The following ITPR1 variants were observed in gnomAD, a reference collection of about 807,000 sequenced individuals.
ITPR1 encodes inositol 1,4,5-trisphosphate-gated calcium channel ITPR1.
A neutral mutation model predicts 318.4 loss-of-function variants in ITPR1; 96 were observed. The observed-to-expected ratio is 0.30, with a 90% CI of 0.26 to 0.36. The LOEUF (loss-of-function observed/expected upper bound fraction) is 0.36, where lower values mean the gene tolerates loss of function less well. Ranked by LOEUF, ITPR1 falls within the 10% of genes least tolerant of loss-of-function variation. The pLI, the probability that ITPR1 is intolerant of heterozygous loss-of-function variation, is 1.00. For missense variants in ITPR1, 2,440 were observed against 3,460.2 expected (o/e 0.71, Z 7.40); for synonymous variants, 1,312 against 1,289.9 (o/e 1.02, Z -0.37).
At chr3:4,723,947 T>C (rs1261558892) in intron 40 of ITPR1, among the ~76,000 whole-genome samples, 1 of 152,214 alleles carries the variant, frequency 6.6e-6, no homozygotes, top group African/African-American at 2.4e-5. Context: ...GCAAAAATGT[T>C]TACACAGTTT....
rs752886993 is a variant in ITPR1 at position 4,660,982 on chromosome 3, T to C, written c.1152-6T>C. 10 of 1,503,126 alleles carry C rather than the reference T, an allele frequency of 6.7e-6. No individual in the cohort carries two copies. Among genetic ancestry groups the C allele is most frequent in the East Asian group, 2.3e-5 (1 of 43,968 alleles). The allele number at this position is 1,503,126 out of a possible 1,614,324, so 93.1% of individuals were successfully genotyped here. On this transcript the variant is annotated splice_polypyrimidine_tract_variant and splice_region_variant and intron_variant, in intron 13 of 61. Transcript: ENST00000649015. ...TTCCCTAAAACCCTCCTTTTTTCCC[T>C]GTTAGGAACTCTTATGTTCGGCTCA...
intron 55 of ITPR1, among the ~76,000 whole-genome samples, chr3:4,810,628 T>C (rs1210583347): frequency 6.6e-6 from 1 of 152,222 alleles, no homozygotes; most frequent in African/African-American, 2.4e-5. Flanking sequence ...TTACTGAGCA[T>C]ATGGATGCCA....
chr3:4,736,959 A>G (rs2043317911), intron 44 of ITPR1, among the ~76,000 whole-genome samples: 1 of 152,186 alleles, frequency 6.6e-6, no homozygotes, highest in African/African-American at 2.4e-5. Context: ...AGTGTGGAAA[A>G]TGAGGACAAT....
At chr3:4,639,333 A>T (rs570885466) in intron 5 of ITPR1, 51 bp from the exon 6 acceptor site, 210 of 1,360,776 alleles carry the variant, frequency 1.5e-4, no homozygotes, top group Non-Finnish European at 2.1e-4. Context: ...CTGCAGTGGG[A>T]TAGAACACAT....
chr3:4,789,688 C>T (rs1375743151), intron 52 of ITPR1, among the ~76,000 whole-genome samples: 4 of 152,144 alleles, frequency 2.6e-5, no homozygotes, highest in East Asian at 1.9e-4. Context: ...GGCGCGATCT[C>T]GGGTCACTGC....
At chr3:4,566,095 A>G (rs893787009) in intron 4 of ITPR1, among the ~76,000 whole-genome samples, 15 of 152,198 alleles carry the variant, frequency 9.9e-5, no homozygotes, top group Admixed American at 7.8e-4. Flanking sequence ...GAACTGCATA[A>G]AAGTATGTTG....
At chr3:4,596,824 G>A (rs1408483212) in intron 4 of ITPR1, among the ~76,000 whole-genome samples, 2 of 152,180 alleles carry the variant, frequency 1.3e-5, no homozygotes, top group Non-Finnish European at 2.9e-5. Context: ...GTCACTCCCT[G>A]GGGGAATAGG....
chr3:4,770,029 G>T (rs1559866679), intron 46 of ITPR1, among the ~76,000 whole-genome samples: 1 of 152,150 alleles, frequency 6.6e-6, no homozygotes, highest in Non-Finnish European at 1.5e-5. Context: ...CAAGGAAAGG[G>T]CATCTGAACC....
chr3:4,559,088 G>A (rs532370827), intron 4 of ITPR1, among the ~76,000 whole-genome samples: 7 of 151,898 alleles, frequency 4.6e-5, no homozygotes, highest in Admixed American at 1.3e-4. Flanking sequence ...AAACTCCTGG[G>A]TGCAAATGAT....
chr3:4,715,524 T>G (rs577584563), intron 39 of ITPR1, among the ~76,000 whole-genome samples: 91 of 152,300 alleles, frequency 6.0e-4, no homozygotes, highest in African/African-American at 2.1e-3. Context: ...TTGGTTCACT[T>G]GTCTGGGTCC....
At chr3:4,575,266 G>A (rs2088512212) in intron 4 of ITPR1, among the ~76,000 whole-genome samples, 1 of 152,116 alleles carries the variant, frequency 6.6e-6, no homozygotes, top group Non-Finnish European at 1.5e-5. Context: ...CTTTGGGGGA[G>A]GATAGAGGAA....
At chr3:4,570,904 A>C (rs753354238) in intron 4 of ITPR1, among the ~76,000 whole-genome samples, 2 of 152,178 alleles carry the variant, frequency 1.3e-5, no homozygotes, top group Non-Finnish European at 2.9e-5. Flanking sequence ...TTTTTTGTAC[A>C]TGTGTCTGTG....
chr3:4,619,957 T>G (rs975075227), intron 4 of ITPR1, among the ~76,000 whole-genome samples: 29 of 151,804 alleles, frequency 1.9e-4, no homozygotes, highest in African/African-American at 6.8e-4. Context: ...TTTCTCAGAG[T>G]TTTTATTTGG....
At chr3:4,763,062 G>A (rs2045563512) in intron 44 of ITPR1, among the ~76,000 whole-genome samples, 1 of 152,216 alleles carries the variant, frequency 6.6e-6, no homozygotes, top group African/African-American at 2.4e-5. Flanking sequence ...GGACATGGAT[G>A]AAGCCAGAAG....
At chr3:4,809,811 G>T (rs2048823385) in intron 55 of ITPR1, among the ~76,000 whole-genome samples, 1 of 152,204 alleles carries the variant, frequency 6.6e-6, no homozygotes, top group Admixed American at 6.5e-5. Flanking sequence ...CCATTTGTTT[G>T]TTGTCTGAAG....
chr3:4,654,037 C>T (rs2093652470), intron 12 of ITPR1, among the ~76,000 whole-genome samples, 151 bp downstream of exon 12: 1 of 152,116 alleles, frequency 6.6e-6, no homozygotes, highest in South Asian at 2.1e-4. Context: ...TTCTGTGCTT[C>T]CCTTGAGAGG....
At chr3:4,705,526 TG>T (rs1333545670) in intron 36 of ITPR1, among the ~76,000 whole-genome samples, 2 of 152,258 alleles carry the variant, frequency 1.3e-5, no homozygotes, top group Admixed American at 1.3e-4. Flanking sequence ...CAGTCTCTTC[TG>T]GTCTGTGACC....
At chr3:4,759,771 G>T (rs1192820805) in intron 44 of ITPR1, among the ~76,000 whole-genome samples, 3 of 152,228 alleles carry the variant, frequency 2.0e-5, no homozygotes, top group Non-Finnish European at 4.4e-5. Flanking sequence ...GAAACTGCTG[G>T]ATTCCAGTGC....
chr3:4,639,521 C>G (rs1359970648), intron 6 of ITPR1, 51 bp downstream of exon 6: 27 of 1,336,740 alleles, frequency 2.0e-5, no homozygotes, highest in Non-Finnish European at 2.7e-5. Flanking sequence ...ACAAAGAATG[C>G]AGCTGAGGAA....
Sources: allele counts gnomAD v4.1 joint callset (sites outside exome capture counted in the v4.1 genomes callset), GRCh38; gene constraint gnomAD v4.1.1; transcripts MANE v1.5; gene names NCBI Gene and HGNC (gene_info 2026-07-23, HGNC 2026-07-21).